The following COL24A1 variants were observed in gnomAD, a reference collection of about 807,000 sequenced individuals.
COL24A1 encodes collagen alpha-1(XXIV) chain.
COL24A1 carries 224 observed loss-of-function variants against 253.9 expected under a neutral mutation model. That is an observed-to-expected ratio of 0.88 (90% CI 0.79 to 0.99). COL24A1 has a LOEUF of 0.99. Ranked by LOEUF, COL24A1 falls within the 50% of genes least tolerant of loss-of-function variation. The pLI is 0.00. For missense variants in COL24A1, 2,131 were observed against 2,068.5 expected (o/e 1.03, Z -0.59); for synonymous variants, 685 against 673.7 (o/e 1.02, Z -0.26).
At chr1:85,789,042 G>A (rs1307711860) in intron 47 of COL24A1, among the ~76,000 whole-genome samples, 1 of 152,034 alleles carries the variant, frequency 6.6e-6, no homozygotes, top group African/African-American at 2.4e-5. Flanking sequence ...TTGGCTATAC[G>A]GGCTCTTTTT....
chr1:85,841,096 C>T, intron 42 of COL24A1, 126 bp downstream of exon 42: 1 of 659,656 alleles, frequency 1.5e-6, no homozygotes, highest in South Asian at 2.0e-5. Context: ...ATATCACCCT[C>T]CTATCAAACC....
At chr1:86,131,976 C>G (rs1295658784) in intron 2 of COL24A1, among the ~76,000 whole-genome samples, 1 of 152,142 alleles carries the variant, frequency 6.6e-6, no homozygotes, top group Admixed American at 6.5e-5. Context: ...ACAGTCCCAC[C>G]AACAGTGTAA....
At chr1:85,940,942 T>A (rs1292481358) in intron 24 of COL24A1, among the ~76,000 whole-genome samples, 1 of 152,212 alleles carries the variant, frequency 6.6e-6, no homozygotes, top group Non-Finnish European at 1.5e-5. Context: ...TCACATAGCC[T>A]GCCCTTTTGA....
intron 7 of COL24A1, among the ~76,000 whole-genome samples, chr1:86,088,286 A>C (rs1571878859): frequency 6.6e-6 from 1 of 152,310 alleles, no homozygotes; most frequent in East Asian, 1.9e-4. Flanking sequence ...TTGCAACCTA[A>C]GTCTCCCAAT....
intron 47 of COL24A1, among the ~76,000 whole-genome samples, chr1:85,814,454 G>T (rs944762944): frequency 6.6e-6 from 1 of 152,130 alleles, no homozygotes; most frequent in Non-Finnish European, 1.5e-5. Flanking sequence ...CAATATTGAA[G>T]AAAAATGTAG....
At chr1:86,142,485 T>C (rs1326830069) in intron 2 of COL24A1, among the ~76,000 whole-genome samples, 1 of 147,726 alleles carries the variant, frequency 6.8e-6, no homozygotes, top group Non-Finnish European at 1.5e-5. Context: ...ATTGCGCCAC[T>C]GCACTCCAGC....
At chr1:86,013,615 C>T (rs1696737051) in intron 19 of COL24A1, among the ~76,000 whole-genome samples, 1 of 152,204 alleles carries the variant, frequency 6.6e-6, no homozygotes, top group Admixed American at 6.5e-5. Flanking sequence ...GCAGGTGGAT[C>T]ACCTGAGGTC....
intron 7 of COL24A1, among the ~76,000 whole-genome samples, chr1:86,075,000 C>T (rs541416642): frequency 7.2e-4 from 110 of 152,022 alleles, no homozygotes; most frequent in African/African-American, 2.6e-3. Flanking sequence ...CAAGACCAAA[C>T]AAAGTCAAAA....
chr1:86,058,926 C>T (rs1439676506), intron 9 of COL24A1, among the ~76,000 whole-genome samples, 195 bp downstream of exon 9: 1 of 152,006 alleles, frequency 6.6e-6, no homozygotes, highest in East Asian at 1.9e-4. Context: ...TTTAAAATCC[C>T]CCTTCCAATT....
chr1:85,904,223 C>T (rs1684591289), intron 28 of COL24A1, among the ~76,000 whole-genome samples: 1 of 152,162 alleles, frequency 6.6e-6, no homozygotes, highest in Non-Finnish European at 1.5e-5. Flanking sequence ...TGCCTCTATA[C>T]TGCCCCTCTA....
At chr1:86,038,097 T>C (rs953801288) in intron 12 of COL24A1, among the ~76,000 whole-genome samples, 3 of 152,178 alleles carry the variant, frequency 2.0e-5, no homozygotes, top group Admixed American at 2.0e-4. Flanking sequence ...TCATGCTTCA[T>C]GAATTTTGTC....
intron 43 of COL24A1, among the ~76,000 whole-genome samples, chr1:85,828,781 T>C (rs1331671217): frequency 1.4e-5 from 2 of 139,934 alleles, no homozygotes; most frequent in East Asian, 2.0e-4. Flanking sequence ...GCTTGGTAGA[T>C]CTTCCTCCAT....
At chr1:85,911,732 A>G (rs532129787) in intron 24 of COL24A1, among the ~76,000 whole-genome samples, 1 of 152,250 alleles carries the variant, frequency 6.6e-6, no homozygotes, top group East Asian at 1.9e-4. Context: ...TAGATTTTAT[A>G]AAACCCCTGA....
chr1:85,795,202 C>A (rs183200248), intron 47 of COL24A1, among the ~76,000 whole-genome samples: 1 of 152,238 alleles, frequency 6.6e-6, no homozygotes, highest in East Asian at 1.9e-4. Flanking sequence ...TGTTTTAGTG[C>A]AAGTCTGCCT....
Position 86,089,742 on chromosome 1 carries a change from C to T in COL24A1, c.1654-515G>A, listed in dbSNP as rs554424162. 1.6e-4 allele frequency among the ~76,000 whole-genome samples: 25 copies of T among 152,318 alleles called. 1 individual carries two copies. The South Asian group carries it at 3.7e-3, about 23-fold the overall frequency. On this transcript the variant is annotated intron_variant, in intron 6 of 59. Transcript: ENST00000370571. Reference sequence around the variant, plus strand: ...GGCTGAGGCCGGAAAATCACTTGAACCCGGGAGGCAGAGGTTGCAGTGAGC... The same window carrying T: ...GGCTGAGGCCGGAAAATCACTTGAATCCGGGAGGCAGAGGTTGCAGTGAGC...
intron 47 of COL24A1, among the ~76,000 whole-genome samples, chr1:85,816,191 A>G (rs761569959): frequency 3.2e-4 from 49 of 152,194 alleles, no homozygotes; most frequent in Non-Finnish European, 4.7e-4. Flanking sequence ...GATTGTCCTC[A>G]CAGGGGTAGA....
chr1:85,924,548 A>G (rs1054404396), intron 24 of COL24A1, among the ~76,000 whole-genome samples: 2 of 152,234 alleles, frequency 1.3e-5, no homozygotes, highest in Non-Finnish European at 1.5e-5. Flanking sequence ...TCCATCACAT[A>G]AACAGAACCA....
rs373283315 is a variant in COL24A1, at chr1:85,933,758, G to A, written c.2563-22325C>T. Among the ~76,000 whole-genome samples, 7 of 152,166 alleles carry A rather than the reference G, an allele frequency of 4.6e-5. No homozygotes were observed. The South Asian group carries it at 1.0e-3, about 23-fold the overall frequency. ...AGGCAAATTATGTGCATGTGGAAAT[G>A]GTCATAATTTATTTATATTTACTAC... On this transcript the variant is annotated intron_variant, in intron 24 of 59. Transcript: ENST00000370571.
At chr1:85,897,136 G>A (rs1008980190) in intron 28 of COL24A1, among the ~76,000 whole-genome samples, 2 of 152,106 alleles carry the variant, frequency 1.3e-5, no homozygotes, top group Middle Eastern at 3.2e-3. Flanking sequence ...ATTAGAAAAT[G>A]ATAGCAATGC....
Sources: gnomAD v4.1 joint callset for allele counts (sites outside exome capture counted in the v4.1 genomes callset) on GRCh38, gnomAD v4.1.1 for gene constraint, MANE v1.5 for transcripts, NCBI Gene and HGNC (gene_info 2026-07-23, HGNC 2026-07-21) for gene names.